The following ITIH2 variants were observed in gnomAD, a reference collection of about 807,000 sequenced individuals.
ITIH2 encodes inter-alpha-trypsin inhibitor heavy chain 2.
In ITIH2, 103 loss-of-function variants were observed where a neutral mutation model predicts 104.4. The ratio of observed to expected loss-of-function variants is 0.99; its 90% CI spans 0.84 to 1.16. The LOEUF (loss-of-function observed/expected upper bound fraction) is 1.16. Among genes scored for constraint, ITIH2 ranks in the 50% most tolerant of loss-of-function variants. The pLI, the probability that ITIH2 is intolerant of heterozygous loss-of-function variation, is 0.00. For synonymous variants in ITIH2, 436 were observed against 435.4 expected (o/e 1.00, Z -0.02); for missense variants, 1,108 against 1,162.4 (o/e 0.95, Z 0.68).
intron 20 of ITIH2, among the ~76,000 whole-genome samples, chr10:7,748,935 C>T (rs1401637471): frequency 6.6e-6 from 1 of 152,022 alleles, no homozygotes; most frequent in Non-Finnish European, 1.5e-5. Flanking sequence ...CTGTTTCCCT[C>T]GCTGGAAAAG....
At chr10:7,709,275 T>C in intron 4 of ITIH2, 84 bp downstream of exon 4, 1 of 1,267,860 alleles carries the variant, frequency 7.9e-7, no homozygotes, top group African/African-American at 1.5e-5. Flanking sequence ...TGGACTTTAG[T>C]GGTCAACTGT....
At chr10:7,718,802 T>G (rs754034209) in intron 6 of ITIH2, among the ~76,000 whole-genome samples, 3 of 152,174 alleles carry the variant, frequency 2.0e-5, no homozygotes, top group African/African-American at 7.2e-5. Flanking sequence ...TCCTGTAATA[T>G]GTGGCCAATG....
chr10:7,749,058 G>T (rs977592980), intron 20 of ITIH2, 129 bp from the exon 21 acceptor site: 9 of 842,122 alleles, frequency 1.1e-5, no homozygotes, highest in Non-Finnish European at 1.7e-5. Flanking sequence ...CATGACTTGG[G>T]GAGCAGCGAT....
At chr10:7,732,773 G>A (rs2130956471) in intron 14 of ITIH2, among the ~76,000 whole-genome samples, 1 of 151,812 alleles carries the variant, frequency 6.6e-6, no homozygotes, top group East Asian at 1.9e-4. Flanking sequence ...TGTCTCCCAG[G>A]CTGGAGTGCA....
At chr10:7,719,238 C>G (rs917015670) in intron 6 of ITIH2, among the ~76,000 whole-genome samples, 1 of 152,212 alleles carries the variant, frequency 6.6e-6, no homozygotes, top group Non-Finnish European at 1.5e-5. Context: ...AGAGTCTATG[C>G]TGTTGAGTTC....
chr10:7,725,929 C>T (rs1834947920), intron 9 of ITIH2, among the ~76,000 whole-genome samples: 1 of 152,126 alleles, frequency 6.6e-6, no homozygotes, highest in African/African-American at 2.4e-5. Flanking sequence ...CTAATAAAAA[C>T]AATTAGTAAG....
rs1433453559 is a variant in ITIH2 at position 7,728,552 on chromosome 10, C to CT, written c.1279+732dup. Among the ~76,000 whole-genome samples, 4 of 151,212 alleles carry CT rather than the reference C, an allele frequency of 2.6e-5. No individual in the cohort carries two copies. The South Asian group carries it at 6.3e-4, about 24-fold the overall frequency. On this transcript the variant is annotated intron_variant, in intron 11 of 20. Transcript: ENST00000358415. ...GTGCACCACCACACTCAGCTAATTT[C>CT]TTTTTTTTCTTTCTTTTTTTTTTTG...
intron 4 of ITIH2, among the ~76,000 whole-genome samples, chr10:7,711,741 G>A (rs1338365601): frequency 6.6e-6 from 1 of 152,164 alleles, no homozygotes; most frequent in Non-Finnish European, 1.5e-5. Context: ...CAGTGGAGCT[G>A]TCCCTCATAT....
chr10:7,737,667 ATATTCTATATTTTC>A (rs1171773723), intron 15 of ITIH2, among the ~76,000 whole-genome samples: 1 of 13,450 alleles, frequency 7.4e-5, no homozygotes, highest in Admixed American at 1.4e-3. Context: ...ATTCTATATT[ATATTCTATATTTTC>A]TATATTATAT....
At chr10:7,715,369 C>T (rs990462780) in intron 5 of ITIH2, among the ~76,000 whole-genome samples, 6 of 151,836 alleles carry the variant, frequency 4.0e-5, no homozygotes, top group South Asian at 2.1e-4. Context: ...TGCAGTGAGT[C>T]GACATTGTGC....
intron 1 of ITIH2, 132 bp from the exon 2 acceptor site, chr10:7,704,976 T>G: frequency 3.6e-6 from 2 of 560,900 alleles, no homozygotes; most frequent in South Asian, 4.5e-5. Context: ...ACGTAAATGA[T>G]GAGTTAATGG....
Position 7,703,486 on chromosome 10 carries a change from G to A in ITIH2, c.52G>A (p.Gly18Ser). The change falls in exon 1 of 21, where the codon GGC becomes AGC. Residue 18 changes from glycine to serine, a missense_variant. Physicochemically the swap from Gly to Ser is moderately conservative, Grantham distance 56. Transcript: ENST00000358415. ...FICFFLSEVSGFEIPINGLSE... is the reference protein window; with the variant it reads ...FICFFLSEVSSFEIPINGLSE... ...CTGCTTCTTTCTTTCTGAAGTATCAGGCTTCGAAATCCCCATAAATGGACT... is the reference window on the plus strand; with the variant it reads ...CTGCTTCTTTCTTTCTGAAGTATCAAGCTTCGAAATCCCCATAAATGGACT... The A allele has an allele frequency of 6.2e-7, 1 of 1,613,594 alleles. No individual in the cohort carries two copies. The highest frequency in any genetic ancestry group is 1.6e-4 in the Middle Eastern group (1 of 6,062).
chr10:7,740,428 G>A (rs775765666), intron 16 of ITIH2, among the ~76,000 whole-genome samples: 47 of 152,190 alleles, frequency 3.1e-4, no homozygotes, highest in Non-Finnish European at 1.8e-4. Flanking sequence ...TGGGGAATCC[G>A]TGCGTAAGTT....
At chr10:7,741,995 G>A (rs765950314) in intron 16 of ITIH2, among the ~76,000 whole-genome samples, 16 of 152,122 alleles carry the variant, frequency 1.1e-4, no homozygotes, top group Non-Finnish European at 1.8e-4. Context: ...TTTGCCTGGG[G>A]GGCACTAATC....
chr10:7,731,990 G>A lies in ITIH2; in HGVS notation c.1641G>A (p.Ala547=), dbSNP rs536759001. 1.1e-5 allele frequency: 18 copies of A among 1,612,180 alleles called. No individual in the cohort carries two copies. Among genetic ancestry groups the A allele is most frequent in the Non-Finnish European group, 1.5e-5 (18 of 1,178,586 alleles). The part of the protein sequence containing the change: ...KLDQIESVIT[A]TSANTQLVLE... ...ATCAAATAGAGAGCGTTATCACGGC[G>A]ACTTCGGTACTTCCACTTATCCATT... is the stretch of plus-strand genomic sequence containing the variant. Residue 547 remains alanine (A), a synonymous_variant, in exon 13 of 21, where the codon GCG becomes GCA. Transcript: ENST00000358415.
rs182643379 is a variant in ITIH2, at chr10:7,724,308, C to T, written c.984+741C>T. Among the ~76,000 whole-genome samples the T allele has an allele frequency of 4.0e-3, 605 of 152,226 alleles. 18 individuals are homozygous for T. Among genetic ancestry groups the T allele is most frequent in the Admixed American group, 0.036 (550 of 15,284 alleles). On this transcript the variant is annotated intron_variant, in intron 9 of 20. Coordinates refer to ENST00000358415, the MANE Select transcript of ITIH2 (RefSeq NM_002216.3). ...CCTGTCAGCCAGGCACAGTGGCTCA[C>T]GCCTGTAATCCCAGTACTTTGGGAG...
intron 16 of ITIH2, among the ~76,000 whole-genome samples, chr10:7,739,715 A>G (rs535524594): frequency 6.6e-6 from 1 of 152,232 alleles, no homozygotes; most frequent in African/African-American, 2.4e-5. Context: ...AAACAAAAAC[A>G]AAAACAAAAA....
Position 7,738,201 on chromosome 10 carries a change from A to T in ITIH2, c.1958-420A>T, listed in dbSNP as rs541755677. ...TATATTATATATTATATTCTATAAA[A>T]TATTATATATTATATTCTATATAAT... On this transcript the variant is annotated intron_variant, in intron 15 of 20. Coordinates refer to ENST00000358415, the MANE Select transcript of ITIH2 (RefSeq NM_002216.3). Among the ~76,000 whole-genome samples the T allele has an allele frequency of 5.9e-5, 5 of 85,148 alleles. No homozygotes were observed. In the East Asian group the frequency reaches 8.6e-4, roughly 15 times the overall value. The allele number at this position is 85,148 out of a possible 152,430, so 55.9% of individuals were successfully genotyped here. A position where few individuals can be genotyped will look rare whatever the true frequency, so the allele number is the denominator to read the frequency against.
intron 7 of ITIH2, among the ~76,000 whole-genome samples, chr10:7,721,218 G>C (rs745598995): frequency 1.4e-4 from 22 of 152,104 alleles, no homozygotes; most frequent in Non-Finnish European, 2.8e-4. Flanking sequence ...TTAACCAGTA[G>C]CTAAAGGACA....
Sources: gnomAD v4.1 joint callset for allele counts (sites outside exome capture counted in the v4.1 genomes callset) on GRCh38, gnomAD v4.1.1 for gene constraint, MANE v1.5 for transcripts, NCBI Gene and HGNC (gene_info 2026-07-23, HGNC 2026-07-21) for gene names.